The following ITGA9 variants were observed in gnomAD, a reference collection of about 807,000 sequenced individuals.
ITGA9 encodes the protein integrin alpha-9.
Under a neutral mutation model 127.8 loss-of-function variants are expected in ITGA9, and 56 were observed. The observed-to-expected ratio is 0.44, with a 90% confidence interval of 0.35 to 0.55. ITGA9 has a LOEUF of 0.55. ITGA9 is among the 20% of genes least tolerant of loss of function. The pLI is 0.00. For missense variants in ITGA9, 1,196 were observed against 1,347.1 expected (o/e 0.89, Z 1.76); for synonymous variants, 508 against 514.5 (o/e 0.99, Z 0.17).
At chr3:37,504,240 A>G (rs964925572) in intron 6 of ITGA9, among the ~76,000 whole-genome samples, 4 of 152,320 alleles carry the variant, frequency 2.6e-5, no homozygotes, top group African/African-American at 7.2e-5. Context: ...CTTATTAAGC[A>G]TTTACCCTAT....
chr3:37,728,441 G>C (rs1696244343), intron 18 of ITGA9, among the ~76,000 whole-genome samples: 1 of 152,162 alleles, frequency 6.6e-6, no homozygotes, highest in Non-Finnish European at 1.5e-5. Flanking sequence ...TTGTGGGTAT[G>C]TCTGTGACTC....
intron 9 of ITGA9, among the ~76,000 whole-genome samples, chr3:37,517,057 T>C (rs1194084825): frequency 6.6e-6 from 1 of 152,128 alleles, no homozygotes; most frequent in East Asian, 1.9e-4. Context: ...ATATATGCAC[T>C]TTGCAAAACA....
chr3:37,531,274 T>C (rs1421689293), intron 13 of ITGA9, among the ~76,000 whole-genome samples: 2 of 152,140 alleles, frequency 1.3e-5, no homozygotes, highest in Non-Finnish European at 2.9e-5. Flanking sequence ...AGGCACACGG[T>C]GCTCTCCCAT....
At chr3:37,708,417 G>A (rs541944263) in intron 18 of ITGA9, among the ~76,000 whole-genome samples, 1 of 152,340 alleles carries the variant, frequency 6.6e-6, no homozygotes, top group South Asian at 2.1e-4. Context: ...GGGAGTAGCT[G>A]CGAAGTCAAA....
At chr3:37,694,209 TCAGATGGAAACTCGG>T (rs1427580084) in intron 18 of ITGA9, among the ~76,000 whole-genome samples, 2 of 152,232 alleles carry the variant, frequency 1.3e-5, no homozygotes, top group African/African-American at 4.8e-5. Flanking sequence ...CATCCGCTTA[TCAGATGGAAACTCGG>T]CATTCCTCAG....
intron 17 of ITGA9, among the ~76,000 whole-genome samples, chr3:37,658,774 A>G (rs1168602982): frequency 1.3e-5 from 2 of 152,124 alleles, no homozygotes; most frequent in Non-Finnish European, 2.9e-5. Context: ...CAGCTTCTTC[A>G]TAGTGTTGAT....
At chr3:37,586,573 A>G (rs539052690) in intron 15 of ITGA9, among the ~76,000 whole-genome samples, 1 of 152,364 alleles carries the variant, frequency 6.6e-6, no homozygotes, top group Non-Finnish European at 1.5e-5. Context: ...TAGAAAATTT[A>G]TAATTACTCT....
At chr3:37,767,172 T>C (rs960903539) in intron 23 of ITGA9, among the ~76,000 whole-genome samples, 7 of 152,212 alleles carry the variant, frequency 4.6e-5, no homozygotes, top group African/African-American at 1.7e-4. Flanking sequence ...ATCCACTGGC[T>C]TTTATCATGA....
chr3:37,606,993 T>A (rs959394555), intron 15 of ITGA9, among the ~76,000 whole-genome samples: 4 of 102,306 alleles, frequency 3.9e-5, no homozygotes, highest in African/African-American at 1.5e-4. Flanking sequence ...TTTTTTTTTT[T>A]AAAGAGATAG....
At chr3:37,477,808 C>G (rs1698509064) in intron 3 of ITGA9, among the ~76,000 whole-genome samples, 1 of 152,142 alleles carries the variant, frequency 6.6e-6, no homozygotes, top group South Asian at 2.1e-4. Context: ...ATAATTTAAG[C>G]TTCTAGATTA....
chr3:37,523,860 G>A (rs1699068572), intron 12 of ITGA9, among the ~76,000 whole-genome samples: 1 of 152,054 alleles, frequency 6.6e-6, no homozygotes, highest in Admixed American at 6.6e-5. Flanking sequence ...TGGTTTCTGG[G>A]GCGGTAATTC....
intron 25 of ITGA9, among the ~76,000 whole-genome samples, chr3:37,781,734 G>C (rs1204634605): frequency 6.6e-6 from 1 of 152,224 alleles, no homozygotes; most frequent in African/African-American, 2.4e-5. Context: ...GTGTTAATCT[G>C]TACAAACCTA....
chr3:37,817,895 G>T (rs951120898), intron 27 of ITGA9, among the ~76,000 whole-genome samples: 1 of 152,120 alleles, frequency 6.6e-6, no homozygotes, highest in Non-Finnish European at 1.5e-5. Flanking sequence ...AGGATGAAAC[G>T]CCCGTTCTAA....
At chr3:37,487,639 A>G (rs1698624598) in intron 4 of ITGA9, among the ~76,000 whole-genome samples, 1 of 152,188 alleles carries the variant, frequency 6.6e-6, no homozygotes, top group African/African-American at 2.4e-5. Flanking sequence ...TTCTCAGATA[A>G]GTATTCTTAT....
chr3:37,732,664 A>T (rs375286973), intron 18 of ITGA9, 48 bp from the exon 19 acceptor site: 2 of 1,450,766 alleles, frequency 1.4e-6, no homozygotes. Context: ...GCTCCCACAC[A>T]CCTGCCTTTT....
rs75055820 is a variant in ITGA9 at position 37,729,173 on chromosome 3, C to T, written c.2068-3539C>T. On this transcript the variant is annotated intron_variant, in intron 18 of 27. Coordinates refer to ENST00000264741, the MANE Select transcript of ITGA9 (RefSeq NM_002207.3). ...GCTTGCCAAAGCCCATGCTCTGATA[C>T]ACCTCTGGGCCTCCTTGGAAATCAC... Among the ~76,000 whole-genome samples the T allele has an allele frequency of 7.4e-3, 1,124 of 152,240 alleles. 12 individuals carry two copies. The highest frequency in any genetic ancestry group is 0.027 in the Middle Eastern group (8 of 294).
chr3:37,474,690 G>A (rs544688665), intron 3 of ITGA9, among the ~76,000 whole-genome samples: 3 of 152,300 alleles, frequency 2.0e-5, no homozygotes, highest in Admixed American at 2.0e-4. Flanking sequence ...ATCAGAAGCT[G>A]TACGAAGATT....
At chr3:37,664,477 A>G (rs1005779418) in intron 17 of ITGA9, among the ~76,000 whole-genome samples, 1 of 142,554 alleles carries the variant, frequency 7.0e-6, no homozygotes, top group Non-Finnish European at 1.5e-5. Flanking sequence ...CAGGCTGGCA[A>G]TGGCACAATC....
chr3:37,561,393 A>G (rs1433872031), intron 15 of ITGA9, among the ~76,000 whole-genome samples: 1 of 152,116 alleles, frequency 6.6e-6, no homozygotes, highest in African/African-American at 2.4e-5. Flanking sequence ...CTCTTGGGAG[A>G]CCTTGGGATT....
Sources: gnomAD v4.1 joint callset for allele counts (sites outside exome capture counted in the v4.1 genomes callset) on GRCh38, gnomAD v4.1.1 for gene constraint, MANE v1.5 for transcripts, NCBI Gene and HGNC (gene_info 2026-07-23, HGNC 2026-07-21) for gene names.